Variants in ZNF503 observed in about 807,000 individuals in gnomAD.
ZNF503 encodes the protein NocA-like zinc finger 2.
A neutral mutation model predicts 34.4 loss-of-function variants in ZNF503; 15 were observed. The ratio of observed to expected loss-of-function variants is 0.44; its 90% CI spans 0.29 to 0.67. ZNF503 has a LOEUF of 0.67. Ranked by LOEUF, ZNF503 falls within the 30% of genes least tolerant of loss-of-function variation. The pLI is 0.13. For synonymous variants in ZNF503, 580 were observed against 456.8 expected (o/e 1.27, Z -3.44); for missense variants, 1,007 against 926.8 (o/e 1.09, Z -1.12).
In ZNF503 at chr10:75,397,942, A is replaced by G. The variant is rs968279767; in HGVS notation, c.*807T>C. The G allele has an allele frequency of 2.6e-5, 4 of 152,656 alleles. No homozygotes were observed. The highest frequency in any genetic ancestry group is 4.4e-5 in the Non-Finnish European group (3 of 68,044). 9.5% of individuals were successfully genotyped at this position (152,656 alleles called of 1,614,324 possible). On this transcript the variant is annotated 3_prime_UTR_variant, in exon 2 of 2. Transcript: ENST00000372524. ...ACCTTGTCCCCTTCTCAGCGGGTGG[A>G]CTTAAAAATTAAAAATAGTTAAGTG... is the stretch of plus-strand genomic sequence containing the variant.
At chr10:75,332,408 T>A in the ZNF503 span, among the ~76,000 whole-genome samples, 6 of 152,224 alleles carry the variant, frequency 3.9e-5, no homozygotes, top group East Asian at 1.2e-3. Context: ...TCTACTCTGC[T>A]GTTAAGCCTA....
chr10:75,336,035 A>G, the ZNF503 span, among the ~76,000 whole-genome samples: 1 of 152,214 alleles, frequency 6.6e-6, no homozygotes, highest in African/African-American at 2.4e-5. Flanking sequence ...CTAGTTTCCA[A>G]TCATAAGACT....
At chr10:75,305,369 C>T in the ZNF503 span, among the ~76,000 whole-genome samples, 4 of 151,788 alleles carry the variant, frequency 2.6e-5, no homozygotes, top group South Asian at 8.3e-4. Flanking sequence ...TACATGTTGT[C>T]AAATAAGAAG....
At chr10:75,315,122 A>T in the ZNF503 span, among the ~76,000 whole-genome samples, 1 of 152,186 alleles carries the variant, frequency 6.6e-6, no homozygotes, top group Non-Finnish European at 1.5e-5. Flanking sequence ...CACTTTGAGA[A>T]GTCAAGGCAG....
At chr10:75,386,438 T>G in the ZNF503 span, among the ~76,000 whole-genome samples, 1 of 152,164 alleles carries the variant, frequency 6.6e-6, no homozygotes, top group Non-Finnish European at 1.5e-5. Context: ...AATACCTGAG[T>G]CTAAAGGCCT....
At chr10:75,304,812 C>A in the ZNF503 span, among the ~76,000 whole-genome samples, 1 of 152,036 alleles carries the variant, frequency 6.6e-6, no homozygotes, top group Admixed American at 6.6e-5. Context: ...AAGGAATTTC[C>A]ATATGTAAAG....
At chr10:75,347,138 A>T in the ZNF503 span, among the ~76,000 whole-genome samples, 1 of 152,250 alleles carries the variant, frequency 6.6e-6, no homozygotes, top group African/African-American at 2.4e-5. Context: ...AGAGCAGGGA[A>T]TGGCATGTAG....
At chr10:75,344,997 G>C in the ZNF503 span, among the ~76,000 whole-genome samples, 1 of 152,202 alleles carries the variant, frequency 6.6e-6, no homozygotes, top group Admixed American at 6.5e-5. Flanking sequence ...AAAGTAGCTG[G>C]TGTGACATTG....
At chr10:75,365,677 C>T in the ZNF503 span, among the ~76,000 whole-genome samples, 1 of 152,178 alleles carries the variant, frequency 6.6e-6, no homozygotes, top group Non-Finnish European at 1.5e-5. Flanking sequence ...TTTAACCTAT[C>T]TGTGCTTCAG....
At chr10:75,301,277 G>A in the ZNF503 span, among the ~76,000 whole-genome samples, 283 of 152,136 alleles carry the variant, frequency 1.9e-3, no homozygotes, top group African/African-American at 5.3e-3. Flanking sequence ...GTCTTGCTCT[G>A]TTGCCCAGGA....
chr10:75,370,776 C>A, the ZNF503 span, among the ~76,000 whole-genome samples: 1 of 26,822 alleles, frequency 3.7e-5, no homozygotes, highest in Non-Finnish European at 6.2e-5. Context: ...GAGGCTCCAT[C>A]TCAAAAAAAA....
chr10:75,327,023 AT>A, the ZNF503 span, among the ~76,000 whole-genome samples: 1 of 152,122 alleles, frequency 6.6e-6, no homozygotes, highest in Non-Finnish European at 1.5e-5. Flanking sequence ...ATGTGTGATG[AT>A]CAAATCATGG....
the ZNF503 span, among the ~76,000 whole-genome samples, chr10:75,342,841 C>T: frequency 3.9e-5 from 6 of 152,172 alleles, no homozygotes; most frequent in African/African-American, 1.2e-4. Context: ...TCATGTCTCA[C>T]GGTATCCCCA....
At chr10:75,330,244 G>T in the ZNF503 span, among the ~76,000 whole-genome samples, 6 of 152,168 alleles carry the variant, frequency 3.9e-5, no homozygotes, top group African/African-American at 1.4e-4. Context: ...TTGGGCTGCT[G>T]GATTTGGCTT....
At chr10:75,372,015 C>T in the ZNF503 span, among the ~76,000 whole-genome samples, 3 of 152,194 alleles carry the variant, frequency 2.0e-5, no homozygotes, top group Non-Finnish European at 2.9e-5. Flanking sequence ...TTGCAACCTC[C>T]GCCTTCTGGG....
At position 75,398,587 on chromosome 10, in the gene ZNF503, C is replaced by T; in HGVS notation, c.*162G>A. The T allele has an allele frequency of 1.8e-6, 1 of 552,598 alleles. No individual in the cohort carries two copies. Among genetic ancestry groups the T allele is most frequent in the African/African-American group, 1.9e-5 (1 of 51,462 alleles). The allele number at this position is 552,598 out of a possible 1,614,324, so 34.2% of individuals were successfully genotyped here. On this transcript the variant is annotated 3_prime_UTR_variant, in exon 2 of 2. Coordinates refer to ENST00000372524, the MANE Select transcript of ZNF503 (RefSeq NM_032772.6). ...GGGGAGTGTCCCACCGGGTCTCGGTCGCTGCTGTCGGGTAGATAGATACGG... is the reference window on the plus strand; with the variant it reads ...GGGGAGTGTCCCACCGGGTCTCGGTTGCTGCTGTCGGGTAGATAGATACGG...
At chr10:75,341,889 C>A in the ZNF503 span, among the ~76,000 whole-genome samples, 1 of 152,188 alleles carries the variant, frequency 6.6e-6, no homozygotes, top group African/African-American at 2.4e-5. Flanking sequence ...CACACTGGGT[C>A]TGAATTAGGA....
chr10:75,320,040 A>G, the ZNF503 span, among the ~76,000 whole-genome samples: 1 of 152,242 alleles, frequency 6.6e-6, no homozygotes, highest in Admixed American at 6.5e-5. Context: ...AATCTCTTCC[A>G]GAAAAATAGA....
chr10:75,356,051 C>G, the ZNF503 span, among the ~76,000 whole-genome samples: 4 of 152,280 alleles, frequency 2.6e-5, no homozygotes, highest in South Asian at 8.3e-4. Flanking sequence ...GAGAGAGTGA[C>G]AAGTGAAAGC....
Sources: allele counts gnomAD v4.1 joint callset (sites outside exome capture counted in the v4.1 genomes callset), GRCh38; gene constraint gnomAD v4.1.1; transcripts MANE v1.5; gene names NCBI Gene and HGNC (gene_info 2026-07-23, HGNC 2026-07-21).